The following ATP10B variants were observed in gnomAD, a reference collection of about 807,000 sequenced individuals.
ATP10B encodes the protein phospholipid-transporting ATPase VB.
In ATP10B, 122 loss-of-function variants were observed where a neutral mutation model predicts 141.2. That is an observed-to-expected ratio of 0.86 (90% CI 0.75 to 1.00). The LOEUF (loss-of-function observed/expected upper bound fraction) is 1.00. Ranked by LOEUF, ATP10B falls within the 50% of genes least tolerant of loss-of-function variation. ATP10B has a pLI of 0.00. For missense variants in ATP10B, 1,876 were observed against 1,825.3 expected, an observed-to-expected ratio of 1.03 and a Z score of -0.51; for synonymous variants, 685 against 692.0, an observed-to-expected ratio of 0.99 and a Z score of 0.16.
intron 2 of ATP10B, among the ~76,000 whole-genome samples, chr5:160,761,319 G>A (rs1450989548): frequency 2.6e-5 from 4 of 152,142 alleles, no homozygotes; most frequent in South Asian, 2.1e-4. Context: ...AACTCCACTA[G>A]AGCAGGTGCT....
intron 1 of ATP10B, among the ~76,000 whole-genome samples, chr5:160,833,289 C>A (rs1313143348): frequency 6.6e-6 from 1 of 152,182 alleles, no homozygotes; most frequent in Non-Finnish European, 1.5e-5. Context: ...TTGAAACTAT[C>A]ACTAATAATT....
chr5:160,627,881 G>C (rs917244227), intron 13 of ATP10B, among the ~76,000 whole-genome samples: 2 of 152,242 alleles, frequency 1.3e-5, no homozygotes, highest in Non-Finnish European at 2.9e-5. Context: ...AGGACACACA[G>C]AAGCTGCTAA....
At chr5:160,629,218 T>G (rs997325622) in intron 13 of ATP10B, among the ~76,000 whole-genome samples, 12 of 133,884 alleles carry the variant, frequency 9.0e-5, no homozygotes, top group African/African-American at 1.1e-4. Context: ...CTGTCAGGAG[T>G]GGGTGGGGGT....
chr5:160,689,396 G>C (rs1763944238), intron 3 of ATP10B, among the ~76,000 whole-genome samples: 1 of 152,170 alleles, frequency 6.6e-6, no homozygotes, highest in South Asian at 2.1e-4. Context: ...GCAAGAGAAA[G>C]AAATAAAGGT....
the ATP10B span, among the ~76,000 whole-genome samples, chr5:160,900,743 C>T: frequency 1.3e-5 from 2 of 151,862 alleles, no homozygotes; most frequent in Non-Finnish European, 2.9e-5. Context: ...AAGTTAGAAG[C>T]ATATACACCA....
chr5:160,791,408 T>C (rs1771561062), intron 1 of ATP10B, among the ~76,000 whole-genome samples: 1 of 152,128 alleles, frequency 6.6e-6, no homozygotes, highest in Non-Finnish European at 1.5e-5. Flanking sequence ...CAGTAGGAAT[T>C]GGTGTCATTA....
At chr5:160,803,026 G>A (rs1029804408) in intron 1 of ATP10B, among the ~76,000 whole-genome samples, 3 of 152,154 alleles carry the variant, frequency 2.0e-5, no homozygotes, top group Non-Finnish European at 4.4e-5. Flanking sequence ...CATGCTCCCT[G>A]GGCAGACTTT....
chr5:160,574,497 C>T (rs1449182942), intron 24 of ATP10B, among the ~76,000 whole-genome samples: 1 of 152,152 alleles, frequency 6.6e-6, no homozygotes, highest in Non-Finnish European at 1.5e-5. Flanking sequence ...TTTCCTTGAA[C>T]TGCCCATGCC....
chr5:160,904,339 C>T, the ATP10B span, among the ~76,000 whole-genome samples: 3 of 151,980 alleles, frequency 2.0e-5, no homozygotes, highest in African/African-American at 4.8e-5. Context: ...ATGGAGATAT[C>T]GATAGTCTTT....
At chr5:160,666,146 T>C (rs531753303) in intron 7 of ATP10B, among the ~76,000 whole-genome samples, 1 of 152,292 alleles carries the variant, frequency 6.6e-6, no homozygotes, top group African/African-American at 2.4e-5. Flanking sequence ...TTAGGATAAG[T>C]GTTTCTGGAA....
At position 160,789,971 on chromosome 5, in the gene ATP10B, A is replaced by G. The variant is rs112809498; in HGVS notation, c.-575-4168T>C. Among the ~76,000 whole-genome samples the G allele has an allele frequency of 3.2e-3, 484 of 152,262 alleles. 1 individual carries two copies. The highest frequency in any genetic ancestry group is 4.5e-3 in the Non-Finnish European group (306 of 68,006). ...TGAAGATTGGGTGTAAAGAAAACAA[A>G]ATAGGCAAATTCCTTATCCTCTTCG... On this transcript the variant is annotated intron_variant, in intron 1 of 25. Transcript: ENST00000327245.
intron 24 of ATP10B, among the ~76,000 whole-genome samples, chr5:160,574,184 CT>C (rs1469066603): frequency 6.6e-6 from 1 of 152,182 alleles, no homozygotes; most frequent in African/African-American, 2.4e-5. Flanking sequence ...AATCCCAGCA[CT>C]TTGGGAGGCC....
At chr5:160,701,513 G>A (rs1163093858) in intron 3 of ATP10B, among the ~76,000 whole-genome samples, 2 of 152,122 alleles carry the variant, frequency 1.3e-5, no homozygotes, top group Non-Finnish European at 2.9e-5. Context: ...TTAGTTCTGG[G>A]TAGTGAACCT....
At chr5:160,925,834 C>T in the ATP10B span, among the ~76,000 whole-genome samples, 1 of 152,180 alleles carries the variant, frequency 6.6e-6, no homozygotes, top group Non-Finnish European at 1.5e-5. Context: ...TTGGAACATT[C>T]TTCCTAAATC....
intron 21 of ATP10B, among the ~76,000 whole-genome samples, chr5:160,600,745 T>C (rs1757057827): frequency 6.6e-6 from 1 of 152,224 alleles, no homozygotes; most frequent in Non-Finnish European, 1.5e-5. Flanking sequence ...TTGCTGATAT[T>C]GGATGCCTGC....
intron 2 of ATP10B, among the ~76,000 whole-genome samples, chr5:160,730,128 C>T (rs1434891326): frequency 1.3e-5 from 2 of 151,688 alleles, no homozygotes; most frequent in Admixed American, 6.6e-5. Context: ...GCACTATGCA[C>T]GATGATTTAT....
At chr5:160,661,101 G>A (rs1012171283) in intron 7 of ATP10B, among the ~76,000 whole-genome samples, 2 of 152,076 alleles carry the variant, frequency 1.3e-5, no homozygotes, top group South Asian at 2.1e-4. Context: ...CAAGGGAATC[G>A]CTTGAACCTA....
At chr5:160,612,996 T>C (rs929509943) in intron 17 of ATP10B, 71 bp from the exon 18 acceptor site, 2 of 1,453,442 alleles carry the variant, frequency 1.4e-6, no homozygotes, top group East Asian at 2.5e-5. Context: ...CCCAAAGCCA[T>C]GTGAAGCCAG....
At position 160,688,023 on chromosome 5, in the gene ATP10B, C is replaced by G. The variant is rs750674023; in HGVS notation, c.52G>C (p.Asp18His). 8 of 1,613,804 alleles carry G rather than the reference C, an allele frequency of 5.0e-6. No homozygotes were observed. The East Asian group carries it at 1.8e-4, about 36-fold the overall frequency. Residue 18 changes from aspartate to histidine, a missense_variant, in exon 5 of 26, where the codon GAT becomes CAT. Physicochemically the swap from Asp to His is moderately conservative, Grantham distance 81. Transcript: ENST00000327245. ...SWHRWQWRVRDGFPHCPSETT... is the reference protein window; with the variant it reads ...SWHRWQWRVRHGFPHCPSETT... ...TCCGATGGACAATGGGGGAAGCCAT[C>G]TCTGACTCTCCACTGCCACCGATGC...
Sources: allele counts gnomAD v4.1 joint callset (sites outside exome capture counted in the v4.1 genomes callset), GRCh38; gene constraint gnomAD v4.1.1; transcripts MANE v1.5; gene names NCBI Gene and HGNC (gene_info 2026-07-23, HGNC 2026-07-21).